The following MACF1 variants were observed in gnomAD, a reference collection of about 807,000 sequenced individuals.
MACF1 encodes the protein microtubule-actin cross-linking factor 1.
Under a neutral mutation model 854.8 loss-of-function variants are expected in MACF1, and 193 were observed. That is an observed-to-expected ratio of 0.23 (90% CI 0.20 to 0.25). MACF1 has a LOEUF of 0.25. Among genes scored for constraint, MACF1 ranks in the 10% least tolerant of loss-of-function variants. The probability of loss-of-function intolerance (pLI) is 1.00; values close to 1 mark genes in which losing one functional copy is unlikely to be tolerated. For synonymous variants in MACF1, 3,185 were observed against 3,226.7 expected (o/e 0.99, Z 0.44); for missense variants, 7,722 against 8,929.1 (o/e 0.86, Z 5.45).
At chr1:39,131,151 CTTTTTTTTTTTTTT>C (rs34762038) in intron 2 of MACF1, among the ~76,000 whole-genome samples, 2 of 42,382 alleles carry the variant, frequency 4.7e-5, no homozygotes, top group Admixed American at 4.9e-4. Flanking sequence ...TGCGCCCGGC[CTTTTTTTTTTTTTT>C]TTTTTTTTTT....
At chr1:39,377,674 T>C (rs1268654129) in intron 52 of MACF1, among the ~76,000 whole-genome samples, 2 of 152,088 alleles carry the variant, frequency 1.3e-5, no homozygotes, top group Non-Finnish European at 2.9e-5. Flanking sequence ...AAAAACAATA[T>C]AAGAAGGGCT....
rs372419962 is a variant in MACF1 at position 39,084,261 on chromosome 1, C to T, written c.43C>T (p.Arg15Trp). Residue 15 changes from arginine (R) to tryptophan (W), a missense_variant, in exon 2 of 94, where the codon CGG (arginine) becomes TGG (tryptophan). Physicochemically the swap from Arg to Trp is moderately radical, Grantham distance 101. Coordinates refer to the MACF1 transcript ENST00000361689. The surrounding 1 kb of genome is among the most constrained non-coding windows in gnomAD (Gnocchi z 5.2). ...AGAGACGCTCAGTGAGCGGTCATGT[C>T]GGAGTGAGCGGTCTTGTCGGAGTGA... 2.5e-5 allele frequency: 40 copies of T among 1,612,476 alleles called. No individual in the cohort carries two copies. The highest frequency in any genetic ancestry group is 1.1e-4 in the African/African-American group (8 of 74,798).
At chr1:39,387,075 C>A in intron 57 of MACF1, 112 bp from the exon 58 acceptor site, 1 of 1,190,142 alleles carries the variant, frequency 8.4e-7, no homozygotes, top group Non-Finnish European at 1.2e-6. Context: ...TTTGGTAGGC[C>A]CTCAAGTAAC....
At chr1:39,464,612 A>G (rs1644623129) in intron 94 of MACF1, 1 of 159,312 alleles carries the variant, frequency 6.3e-6, no homozygotes, top group South Asian at 1.8e-4. Flanking sequence ...CATAGTTTAT[A>G]AAACCACATC....
At chr1:39,191,993 A>G (rs1174413489) in intron 2 of MACF1, among the ~76,000 whole-genome samples, 2 of 152,074 alleles carry the variant, frequency 1.3e-5, no homozygotes, top group African/African-American at 2.4e-5. Context: ...TCTATTAAAC[A>G]TACAAAAATT....
At chr1:39,433,501 T>C (rs974685351) in intron 68 of MACF1, among the ~76,000 whole-genome samples, 1 of 152,254 alleles carries the variant, frequency 6.6e-6, no homozygotes, top group Admixed American at 6.5e-5. Context: ...ATTCCTTCAT[T>C]ATATCCTTCT....
intron 44 of MACF1, among the ~76,000 whole-genome samples, chr1:39,355,885 G>A (rs546111944): frequency 6.6e-6 from 1 of 152,078 alleles, no homozygotes. Context: ...TTTTTTAAGA[G>A]ACAGTCTTGC....
intron 35 of MACF1, among the ~76,000 whole-genome samples, chr1:39,326,680 C>CAAAAAAAAAAAAAAAAA (rs57108021): frequency 4.1e-5 from 3 of 72,750 alleles, no homozygotes; most frequent in Admixed American, 3.1e-4. Context: ...GACTCCATCT[C>CAAAAAAAAAAAAAAAAA]AAAAAAAAAA....
intron 44 of MACF1, among the ~76,000 whole-genome samples, chr1:39,353,631 A>G (rs1390444978): frequency 1.3e-5 from 2 of 152,168 alleles, no homozygotes; most frequent in Non-Finnish European, 2.9e-5. Context: ...TCAAAACGGT[A>G]TATAAATCTG....
At chr1:39,476,185 G>A (rs929255803) in intron 97 of MACF1, among the ~76,000 whole-genome samples, 9 of 152,068 alleles carry the variant, frequency 5.9e-5, no homozygotes, top group African/African-American at 1.7e-4. Flanking sequence ...GAATCAGCTG[G>A]CATCTATCAA....
At chr1:39,379,700 G>GT (rs1209065350) in intron 54 of MACF1, among the ~76,000 whole-genome samples, 4 of 152,194 alleles carry the variant, frequency 2.6e-5, no homozygotes, top group Non-Finnish European at 1.5e-5. Context: ...GCCCTCCCCA[G>GT]AATCGTTAGC....
intron 2 of MACF1, among the ~76,000 whole-genome samples, chr1:39,086,074 C>G (rs907104647): frequency 6.6e-6 from 1 of 152,224 alleles, no homozygotes; most frequent in African/African-American, 2.4e-5. Flanking sequence ...GTGCCCATCA[C>G]TCCCTTAGAA....
At chr1:39,209,822 T>G (rs1456523632) in intron 1 of MACF1, among the ~76,000 whole-genome samples, 1 of 151,980 alleles carries the variant, frequency 6.6e-6, no homozygotes, top group Non-Finnish European at 1.5e-5. Context: ...GGCATGGTGG[T>G]TCACGCCTGT....
intron 2 of MACF1, among the ~76,000 whole-genome samples, chr1:39,247,078 T>G (rs1644989711): frequency 6.9e-6 from 1 of 143,908 alleles, no homozygotes; most frequent in Admixed American, 6.9e-5. Context: ...ATTTTTTTTT[T>G]TTTTTTTTTT....
rs143030317 is a variant in MACF1, at chr1:39,247,837, C to T, written c.172-2177C>T. Among the ~76,000 whole-genome samples the T allele has an allele frequency of 8.1e-4, 124 of 152,192 alleles. 1 individual carries two copies. The highest frequency in any genetic ancestry group is 3.0e-3 in the African/African-American group (123 of 41,522). ...CACAAGGTCGGGAGATTGAGGCCAA[C>T]ATGGTGAAACCCCGTCTCTACTAAA... On this transcript the variant is annotated intron_variant, in intron 2 of 100. Coordinates refer to ENST00000564288, the MANE Select transcript of MACF1 (RefSeq NM_001394062.1).
At chr1:39,160,317 G>A (rs1643771826) in intron 2 of MACF1, among the ~76,000 whole-genome samples, 1 of 152,118 alleles carries the variant, frequency 6.6e-6, no homozygotes. Flanking sequence ...CTGCTCTCTG[G>A]TGCTAGAGAC....
intron 21 of MACF1, 32 bp downstream of exon 21, chr1:39,297,777 C>T: frequency 6.2e-7 from 1 of 1,611,930 alleles, no homozygotes; most frequent in African/African-American, 1.3e-5. Flanking sequence ...ATGATTACTT[C>T]TGAGAAAGAG....
At chr1:39,099,315 C>T (rs932459182) in intron 2 of MACF1, among the ~76,000 whole-genome samples, 1 of 152,120 alleles carries the variant, frequency 6.6e-6, no homozygotes, top group African/African-American at 2.4e-5. Context: ...ACCATCACGC[C>T]CGGCTAATTT....
chr1:39,247,770 C>T (rs752648711), intron 2 of MACF1, among the ~76,000 whole-genome samples: 6 of 152,192 alleles, frequency 3.9e-5, no homozygotes, highest in Non-Finnish European at 7.3e-5. Context: ...TGGTGGCTCA[C>T]GCCTGTAATC....
Sources: allele counts gnomAD v4.1 joint callset (sites outside exome capture counted in the v4.1 genomes callset), GRCh38; gene constraint gnomAD v4.1.1; non-coding constraint Gnocchi (gnomAD v3.1); transcripts MANE v1.5; gene names NCBI Gene and HGNC (gene_info 2026-07-23, HGNC 2026-07-21).